VAMP7: variants seen among roughly 807,000 people sequenced by gnomAD.
VAMP7 encodes vesicle associated membrane protein 7.
Under a neutral mutation model 29.6 loss-of-function variants are expected in VAMP7, and 14 were observed. That is an observed-to-expected ratio of 0.47 (90% confidence interval 0.31 to 0.74). The LOEUF (loss-of-function observed/expected upper bound fraction) is 0.74, where lower values mean the gene tolerates loss of function less well. Ranked by LOEUF, VAMP7 falls within the 30% of genes least tolerant of loss-of-function variation. The pLI, the probability that VAMP7 is intolerant of heterozygous loss-of-function variation, is 0.05. For synonymous variants in VAMP7, 95 were observed against 88.1 expected (o/e 1.08, Z -0.44); for missense variants, 223 against 262.4 (o/e 0.85, Z 1.04).
intron 6 of VAMP7, among the ~76,000 whole-genome samples, chrX:155,939,054 T>C (rs2066704174): frequency 7.3e-6 from 1 of 137,318 alleles, no homozygotes; most frequent in African/African-American, 2.8e-5. Flanking sequence ...AAAACATTTT[T>C]TTATATGTCT....
intron 5 of VAMP7, among the ~76,000 whole-genome samples, chrX:155,907,582 G>A (rs1324663391): frequency 1.3e-5 from 2 of 151,568 alleles, no homozygotes; most frequent in African/African-American, 2.4e-5. Context: ...GAGAGCACAG[G>A]GTTGGGGGTA....
chrX:155,907,764 G>A lies in VAMP7; in HGVS notation c.433+7177G>A, dbSNP rs767637864. Among the ~76,000 whole-genome samples, 320 of 152,206 alleles carry A rather than the reference G, an allele frequency of 2.1e-3. 2 individuals are homozygous for A. Among genetic ancestry groups the A allele is most frequent in the African/African-American group, 7.6e-3 (314 of 41,530 alleles). The stretch of plus-strand genomic sequence containing the variant: ...TCCACAAAACCGCCATTGTCATCAT[G>A]GCCCGTTCTCAATGAGCTATTGGGT... On this transcript the variant is annotated intron_variant, in intron 5 of 7. Coordinates refer to ENST00000286448, the MANE Select transcript of VAMP7 (RefSeq NM_005638.6).
intron 7 of VAMP7, among the ~76,000 whole-genome samples, chrX:155,941,310 A>G (rs2124415212): frequency 6.6e-6 from 1 of 152,274 alleles, no homozygotes; most frequent in Admixed American, 6.5e-5. Context: ...CTGTAATAGC[A>G]CCAGTATTTT....
intron 6 of VAMP7, among the ~76,000 whole-genome samples, chrX:155,930,523 A>G (rs1472256252): frequency 2.0e-5 from 3 of 151,132 alleles, no homozygotes; most frequent in Middle Eastern, 3.5e-3. Flanking sequence ...GATTGGGTGC[A>G]CCTGTAGTCC....
At chrX:155,937,209 TA>T (rs964615218) in intron 6 of VAMP7, among the ~76,000 whole-genome samples, 1 of 151,930 alleles carries the variant, frequency 6.6e-6, no homozygotes, top group South Asian at 2.1e-4. Context: ...ATATGGAATC[TA>T]AAAAAAATGT....
In VAMP7 at chrX:155,930,999, T is replaced by TG. The variant is rs757442676; in HGVS notation, c.502-8700dup. On this transcript the variant is annotated intron_variant, in intron 6 of 7. Transcript: ENST00000286448. ...CCTTGCAGTAGTTTGCTGAGAATGA[T>TG]GGTTTCCAGCTTCATCCATGTCCCT... is the stretch of plus-strand genomic sequence containing the variant. Among the ~76,000 whole-genome samples the TG allele has an allele frequency of 1.9e-3, 284 of 152,248 alleles. 1 individual carries two copies. The highest frequency in any genetic ancestry group is 6.7e-3 in the African/African-American group (278 of 41,546).
rs189758365 is a variant in VAMP7, at chrX:155,887,845, C to T, written c.-9-1613C>T. ...ACTCCAGAGGCTGAGGTAGGAGGAT[C>T]ACTTGAGCCTGATAAGTGGAGGCTG... is the stretch of plus-strand genomic sequence containing the variant. On this transcript the variant is annotated intron_variant, in intron 1 of 7. Coordinates refer to ENST00000286448, the MANE Select transcript of VAMP7 (RefSeq NM_005638.6). 2.4e-4 allele frequency among the ~76,000 whole-genome samples: 37 copies of T among 151,144 alleles called. 2 individuals carry two copies. The highest frequency in any genetic ancestry group is 1.5e-5 in the Non-Finnish European group (1 of 67,844).
chrX:155,900,013 A>G (rs1374990763), intron 4 of VAMP7, among the ~76,000 whole-genome samples: 3 of 152,080 alleles, frequency 2.0e-5, no homozygotes, highest in African/African-American at 7.2e-5. Flanking sequence ...GTGAGAAGCC[A>G]ATAAAAATAG....
intron 6 of VAMP7, among the ~76,000 whole-genome samples, chrX:155,921,577 T>G (rs139024441): frequency 2.8e-3 from 421 of 152,240 alleles, no homozygotes; most frequent in African/African-American, 9.7e-3. Flanking sequence ...TGTTTTATAT[T>G]ATTCCATTAT....
chrX:155,935,839 C>A (rs777512607), intron 6 of VAMP7, among the ~76,000 whole-genome samples: 4 of 151,978 alleles, frequency 2.6e-5, no homozygotes, highest in African/African-American at 4.8e-5. Context: ...TTTTATCTAC[C>A]TTTGGTCTTT....
intron 3 of VAMP7, among the ~76,000 whole-genome samples, chrX:155,895,923 C>A (rs1483086781): frequency 6.6e-6 from 1 of 152,052 alleles, no homozygotes; most frequent in East Asian, 1.9e-4. Flanking sequence ...CTGTTGTGAA[C>A]TCTGCATCCG....
chrX:155,883,769 G>A (rs955099560), intron 1 of VAMP7, among the ~76,000 whole-genome samples: 36 of 149,042 alleles, frequency 2.4e-4, no homozygotes, highest in Non-Finnish European at 4.6e-4. Flanking sequence ...GGAGTGCAGC[G>A]GCGCGATCTC....
At chrX:155,941,225 TATA>T (rs1350775915) in intron 7 of VAMP7, among the ~76,000 whole-genome samples, 4 of 152,142 alleles carry the variant, frequency 2.6e-5, no homozygotes, top group African/African-American at 4.8e-5. Flanking sequence ...TTTTTTGTGA[TATA>T]ATAATGTGAA....
chrX:155,886,591 C>T (rs2065868314), intron 1 of VAMP7, among the ~76,000 whole-genome samples: 1 of 152,156 alleles, frequency 6.6e-6, no homozygotes, highest in South Asian at 2.1e-4. Flanking sequence ...CTCTCTTTCT[C>T]ATGTTACATA....
chrX:155,938,409 G>A (rs2066694080), intron 6 of VAMP7, among the ~76,000 whole-genome samples: 1 of 152,168 alleles, frequency 6.6e-6, no homozygotes, highest in African/African-American at 2.4e-5. Flanking sequence ...TATGTGGTTG[G>A]AGATGAATCT....
chrX:155,924,865 A>G (rs185149532), intron 6 of VAMP7, among the ~76,000 whole-genome samples: 5 of 152,256 alleles, frequency 3.3e-5, no homozygotes, highest in African/African-American at 7.2e-5. Flanking sequence ...ATTGGAGTCA[A>G]TCCTCTCAAA....
intron 6 of VAMP7, among the ~76,000 whole-genome samples, chrX:155,925,737 A>C (rs2066458182): frequency 6.6e-6 from 1 of 152,194 alleles, no homozygotes. Context: ...GAGCCTCTCC[A>C]AAGGAGGCAA....
Position 155,900,504 on chromosome X carries a change from A to G in VAMP7, c.350A>G (p.His117Arg). Residue 117 changes from histidine (H) to arginine (R), a missense_variant, in exon 5 of 8, where the codon CAC (histidine) becomes CGC (arginine). Transcript: ENST00000286448. The part of the protein sequence containing the change: ...SSVLAAQLKH[H>R]SENKGLDKVM... ...AAACTTATTTTCTTATAGAAGCATC[A>G]CTCTGAGAATAAGGGCCTAGACAAA... The G allele has an allele frequency of 6.2e-7, 1 of 1,607,794 alleles. No individual in the cohort carries two copies. Among genetic ancestry groups the G allele is most frequent in the Non-Finnish European group, 8.5e-7 (1 of 1,176,762 alleles).
At chrX:155,911,155 G>T (rs2066231847) in intron 5 of VAMP7, among the ~76,000 whole-genome samples, 1 of 152,094 alleles carries the variant, frequency 6.6e-6, no homozygotes, top group Non-Finnish European at 1.5e-5. Flanking sequence ...TCCACATATG[G>T]ATATCCAGTT....
Sources: allele counts gnomAD v4.1 joint callset (sites outside exome capture counted in the v4.1 genomes callset), GRCh38; gene constraint gnomAD v4.1.1; transcripts MANE v1.5; gene names NCBI Gene and HGNC (gene_info 2026-07-23, HGNC 2026-07-21).